OGG1: variants seen among roughly 807,000 people sequenced by gnomAD.
OGG1 encodes the protein 8-oxoguanine DNA glycosylase.
Under a neutral mutation model 42.3 loss-of-function variants are expected in OGG1, and 35 were observed. The ratio of observed to expected loss-of-function variants is 0.83; its 90% CI spans 0.63 to 1.10. The LOEUF is 1.10. Ranked by LOEUF, OGG1 falls within the 50% of genes least tolerant of loss-of-function variation. The pLI is 0.00. For synonymous variants in OGG1, 189 were observed against 179.0 expected (o/e 1.06, Z -0.44); for missense variants, 484 against 446.7 (o/e 1.08, Z -0.75).
rs141500045 is a variant in OGG1, at chr3:9,766,582, A to G, written c.*751A>G. 642 of 936,210 alleles carry G rather than the reference A, an allele frequency of 6.9e-4. 1 individual carries two copies. In the African/African-American group the frequency reaches 0.011, roughly 15 times the overall value. 58.0% of individuals were successfully genotyped at this position (936,210 alleles called of 1,614,324 possible). ...AAATCCTCAGGTGATTTGTATGCTC[A>G]TTGAACTTTAAGAAGCAGTGTTTTA... On this transcript the variant is annotated 3_prime_UTR_variant, in exon 8 of 8. Transcript: ENST00000302008.
chr3:9,752,126 T>A, intron 3 of OGG1, 177 bp downstream of exon 3: 1 of 635,926 alleles, frequency 1.6e-6, no homozygotes, highest in Non-Finnish European at 2.8e-6. Flanking sequence ...CCCTAAAATG[T>A]CAGCACCTCA....
intron 3 of OGG1, among the ~76,000 whole-genome samples, chr3:9,753,424 G>A (rs1281636951): frequency 8.6e-5 from 13 of 151,606 alleles, no homozygotes; most frequent in African/African-American, 2.9e-4. Flanking sequence ...AGGCCGAGGC[G>A]GGTGGATCAC....
At chr3:9,755,155 A>G (rs1457171991) in intron 4 of OGG1, among the ~76,000 whole-genome samples, 2 of 152,208 alleles carry the variant, frequency 1.3e-5, no homozygotes, top group African/African-American at 4.8e-5. Context: ...CCAGAAGGAA[A>G]TTGCAGGAAA....
downstream of OGG1, among the ~76,000 whole-genome samples, chr3:9,769,188 C>G (rs187984989): frequency 2.3e-4 from 35 of 151,970 alleles, no homozygotes; most frequent in East Asian, 4.3e-3. Context: ...CCTCACCCAG[C>G]TCCCTCTTAC....
downstream of OGG1, chr3:9,789,685 C>G (rs745886500): frequency 1.6e-5 from 25 of 1,609,058 alleles, no homozygotes; most frequent in Non-Finnish European, 2.0e-5. Flanking sequence ...AACCTTGAGG[C>G]CCCCTTCTAT....
chr3:9,763,209 T>G lies in OGG1; in HGVS notation c.1049-2600T>G, dbSNP rs779335679. The G allele has an allele frequency of 4.7e-5, 76 of 1,613,614 alleles. 1 individual carries two copies. In the South Asian group the frequency reaches 8.0e-4, roughly 17 times the overall value. ...TCCAGGGCTACAATGTTGGGGTGCT[T>G]GATCCTGAAAGGAGAAATGAGGTGG... On this transcript the variant is annotated intron_variant, in intron 7 of 7. Transcript: ENST00000302008.
chr3:9,767,547 G>T, downstream of OGG1: 1 of 1,310,242 alleles, frequency 7.6e-7, no homozygotes, highest in Non-Finnish European at 1.1e-6. Flanking sequence ...TTAGGCCCTA[G>T]ATAGTGCTGC....
At chr3:9,781,335 A>ACT (rs751423496) in intron 2 of OGG1, among the ~76,000 whole-genome samples, 59 of 151,074 alleles carry the variant, frequency 3.9e-4, no homozygotes, top group African/African-American at 1.4e-3. Context: ...AGGCACACCC[A>ACT]CTCTCTCTCT....
chr3:9,783,439 C>G (rs1311710476), intron 3 of OGG1: 1 of 151,624 alleles, frequency 6.6e-6, no homozygotes, highest in African/African-American at 2.4e-5. Context: ...CCTGCCTCAG[C>G]CTCCCATGGA....
chr3:9,761,944 G>A, downstream of OGG1: 7 of 757,544 alleles, frequency 9.2e-6, no homozygotes. Flanking sequence ...CAAGGCTCAA[G>A]AGGGTGTGGG....
At chr3:9,789,397 A>C, downstream of OGG1, 1 of 961,688 alleles carries the variant, frequency 1.0e-6, no homozygotes, top group East Asian at 2.7e-5. Context: ...CAGACAGCAG[A>C]CTGGGCAGGG....
downstream of OGG1, chr3:9,760,630 G>A (rs759601422): frequency 6.2e-7 from 1 of 1,612,408 alleles, no homozygotes; most frequent in South Asian, 1.1e-5. Flanking sequence ...GCAGGGCCCA[G>A]GGGAAAAAAG....
downstream of OGG1, among the ~76,000 whole-genome samples, chr3:9,771,097 G>C (rs965445794): frequency 6.7e-6 from 1 of 150,100 alleles, no homozygotes; most frequent in Non-Finnish European, 1.5e-5. Context: ...GCATGATCAC[G>C]GCCCACTGCA....
intron 3 of OGG1, among the ~76,000 whole-genome samples, chr3:9,753,856 G>A (rs1397839953): frequency 1.3e-5 from 2 of 152,362 alleles, no homozygotes; most frequent in African/African-American, 4.8e-5. Context: ...CACGGCGTTA[G>A]CCAGGTGGGG....
At chr3:9,760,647 C>T (rs1236118275), downstream of OGG1, 11 of 1,613,680 alleles carry the variant, frequency 6.8e-6, 1 homozygote, top group East Asian at 1.8e-4. Context: ...AAAGCAAAGC[C>T]CCAAATACCA....
chr3:9,757,512 G>C, downstream of OGG1: 1 of 1,607,932 alleles, frequency 6.2e-7, no homozygotes, highest in South Asian at 1.1e-5. This position sits in a 1 kb window ranked among gnomAD's most constrained non-coding sequence, Gnocchi z 4.5. Context: ...CTCCCACGCA[G>C]AGGATCATGA....
At chr3:9,780,232 G>T in intron 2 of OGG1, 1 of 1,026,640 alleles carries the variant, frequency 9.7e-7, no homozygotes, top group Non-Finnish European at 1.4e-6. Context: ...AAGGGCCACG[G>T]CCCTCTAGAG....
chr3:9,778,403 T>C (rs1249908553), intron 2 of OGG1, among the ~76,000 whole-genome samples: 1 of 152,214 alleles, frequency 6.6e-6, no homozygotes, highest in Non-Finnish European at 1.5e-5. Flanking sequence ...AATTCACTTG[T>C]AATAGGCCTT....
chr3:9,781,363 C>T (rs528036899), intron 2 of OGG1: 69 of 387,736 alleles, frequency 1.8e-4, no homozygotes, highest in Non-Finnish European at 1.4e-4. Flanking sequence ...TCAGTTAATC[C>T]TAACAACCCT....
Sources: gnomAD v4.1 joint callset for allele counts (sites outside exome capture counted in the v4.1 genomes callset) on GRCh38, gnomAD v4.1.1 for gene constraint, Gnocchi (gnomAD v3.1) non-coding constraint, MANE v1.5 for transcripts, NCBI Gene and HGNC (gene_info 2026-07-23, HGNC 2026-07-21) for gene names.